The following KAT6B variants were observed in gnomAD, a reference collection of about 807,000 sequenced individuals.
The protein encoded by KAT6B is histone acetyltransferase KAT6B.
Under a neutral mutation model 187.5 loss-of-function variants are expected in KAT6B, and 10 were observed. That is an observed-to-expected ratio of 0.05 (90% CI 0.03 to 0.09). KAT6B has a LOEUF of 0.09. Among genes scored for constraint, KAT6B ranks in the 10% least tolerant of loss-of-function variants. KAT6B has a pLI of 1.00. For missense variants in KAT6B, 1,952 were observed against 2,558.9 expected (o/e 0.76, Z 5.12); for synonymous variants, 861 against 926.8 (o/e 0.93, Z 1.29).
chr10:74,950,873 C>G lies in KAT6B; in HGVS notation c.622-9097C>G, dbSNP rs141935162. On this transcript the variant is annotated intron_variant, in intron 3 of 17. Coordinates refer to ENST00000287239, the MANE Select transcript of KAT6B (RefSeq NM_012330.4). Reference sequence around the variant, plus strand: ...GTAGCTCATTCCTGTAATTCCAGCACCAGCCGAGGCAGGTGGATCACTTGA... The same window carrying G: ...GTAGCTCATTCCTGTAATTCCAGCAGCAGCCGAGGCAGGTGGATCACTTGA... 1.5e-3 allele frequency among the ~76,000 whole-genome samples: 223 copies of G among 152,138 alleles called. No individual in the cohort carries two copies. In the East Asian group the frequency reaches 0.016, roughly 11 times the overall value.
chr10:74,840,090 A>G (rs1018102331), intron 2 of KAT6B, among the ~76,000 whole-genome samples: 1 of 152,208 alleles, frequency 6.6e-6, no homozygotes, highest in Non-Finnish European at 1.5e-5. Context: ...ACTCAACTTG[A>G]CAGCACTTTT....
chr10:74,976,418 TG>T, intron 8 of KAT6B, 88 bp downstream of exon 8: 1 of 1,045,780 alleles, frequency 9.6e-7, no homozygotes, highest in Non-Finnish European at 1.5e-6. Context: ...AATTCCTATT[TG>T]TCACATAGGT....
At chr10:75,011,428 A>G (rs1844598848) in intron 13 of KAT6B, among the ~76,000 whole-genome samples, 1 of 152,200 alleles carries the variant, frequency 6.6e-6, no homozygotes, top group South Asian at 2.1e-4. Context: ...CTTTCTCATT[A>G]CCTAACTGAA....
At chr10:74,967,696 G>A (rs1164103639) in intron 4 of KAT6B, among the ~76,000 whole-genome samples, 6 of 152,202 alleles carry the variant, frequency 3.9e-5, no homozygotes, top group Admixed American at 3.3e-4. Context: ...TTGAGATACA[G>A]TATTGCTTAA....
chr10:74,862,927 A>G (rs553099877), intron 3 of KAT6B, among the ~76,000 whole-genome samples: 3 of 152,268 alleles, frequency 2.0e-5, no homozygotes, highest in Admixed American at 2.0e-4. Context: ...CTGTAAACCG[A>G]TGTCCTCATT....
At chr10:74,911,471 T>C (rs1347271350) in intron 3 of KAT6B, among the ~76,000 whole-genome samples, 1 of 152,126 alleles carries the variant, frequency 6.6e-6, no homozygotes, top group Non-Finnish European at 1.5e-5. Flanking sequence ...TTTCACCATG[T>C]TGGCCAGGCT....
At chr10:74,892,702 G>T (rs942419634) in intron 3 of KAT6B, among the ~76,000 whole-genome samples, 10 of 152,138 alleles carry the variant, frequency 6.6e-5, no homozygotes, top group African/African-American at 2.4e-4. Flanking sequence ...GAATAACTCA[G>T]AGATTACGGT....
intron 3 of KAT6B, among the ~76,000 whole-genome samples, chr10:74,861,327 A>G (rs1005463200): frequency 7.9e-5 from 12 of 152,186 alleles, no homozygotes; most frequent in African/African-American, 2.9e-4. Flanking sequence ...GAAACATGCT[A>G]ATACATACAG....
chr10:74,965,827 G>A (rs1240032776), intron 4 of KAT6B, among the ~76,000 whole-genome samples: 11 of 151,128 alleles, frequency 7.3e-5, no homozygotes, highest in Non-Finnish European at 1.5e-5. Flanking sequence ...CCGGGTTCAC[G>A]CCATTCTTCC....
chr10:74,839,940 A>G (rs1296993553), intron 2 of KAT6B, among the ~76,000 whole-genome samples: 1 of 152,258 alleles, frequency 6.6e-6, no homozygotes, highest in Non-Finnish European at 1.5e-5. Flanking sequence ...TTAGATTTGT[A>G]GATGACATAG....
At chr10:74,850,269 A>G (rs1333001756) in intron 3 of KAT6B, among the ~76,000 whole-genome samples, 1 of 152,168 alleles carries the variant, frequency 6.6e-6, no homozygotes, top group African/African-American at 2.4e-5. Flanking sequence ...TGCCCCAACA[A>G]ATAGATTTCC....
At chr10:74,985,454 G>A (rs562855674) in intron 12 of KAT6B, among the ~76,000 whole-genome samples, 11 of 152,302 alleles carry the variant, frequency 7.2e-5, no homozygotes, top group Non-Finnish European at 1.0e-4. Context: ...ACTGTGTGCC[G>A]CCTTGATGAC....
At chr10:74,998,809 G>T (rs1196917861) in intron 13 of KAT6B, among the ~76,000 whole-genome samples, 3 of 152,122 alleles carry the variant, frequency 2.0e-5, no homozygotes, top group Admixed American at 2.0e-4. Context: ...TGTAATTCCA[G>T]TTACTCAGGA....
Position 75,029,098 on chromosome 10 carries a change from A to G in KAT6B, c.4274A>G (p.Asp1425Gly). Reference protein sequence around the residue: ...DEEPSHNEDHDADDEDDSHME... With the variant: ...DEEPSHNEDHGADDEDDSHME... The stretch of plus-strand genomic sequence containing the variant: ...GAGCCATCCCACAACGAGGACCATG[A>G]TGCCGATGACGAGGATGACAGCCAC... Residue 1425 changes from aspartate (D) to glycine (G), a missense_variant, in exon 18 of 18, where the codon GAT becomes GGT. By Grantham distance (94) the Asp-to-Gly change is moderately conservative. Around this residue, in one of 9 missense-constraint regions of KAT6B, gnomAD observed 758 missense variants for 891.4 expected, o/e 0.85. Transcript: ENST00000287239. The surrounding 1 kb of genome is among the most constrained non-coding windows in gnomAD (Gnocchi z 6.2). The G allele has an allele frequency of 2.5e-6, 4 of 1,614,210 alleles. No homozygotes were observed. The South Asian group carries it at 3.3e-5, about 13-fold the overall frequency.
At chr10:75,017,304 A>G (rs1260251515) in intron 13 of KAT6B, among the ~76,000 whole-genome samples, 2 of 152,042 alleles carry the variant, frequency 1.3e-5, no homozygotes, top group East Asian at 3.9e-4. Context: ...TTTTCTTCCA[A>G]TGGGCTATAT....
chr10:74,914,756 T>G (rs1352252506), intron 3 of KAT6B, among the ~76,000 whole-genome samples: 1 of 152,176 alleles, frequency 6.6e-6, no homozygotes, highest in East Asian at 1.9e-4. Context: ...GAAGACTAGT[T>G]TATAGTGTTC....
intron 3 of KAT6B, among the ~76,000 whole-genome samples, chr10:74,877,060 G>C (rs966057180): frequency 6.6e-6 from 1 of 151,382 alleles, no homozygotes; most frequent in Non-Finnish European, 1.5e-5. Flanking sequence ...TCTACCTGCC[G>C]GTTCAAGCGA....
At chr10:74,897,231 T>C (rs1397052157) in intron 3 of KAT6B, among the ~76,000 whole-genome samples, 1 of 152,218 alleles carries the variant, frequency 6.6e-6, no homozygotes, top group African/African-American at 2.4e-5. Flanking sequence ...CTAACCTTCT[T>C]CTGGTTTCAC....
At chr10:74,858,846 T>C (rs746389109) in intron 3 of KAT6B, among the ~76,000 whole-genome samples, 1 of 151,788 alleles carries the variant, frequency 6.6e-6, no homozygotes, top group Admixed American at 6.6e-5. Context: ...TCCCAGCTAC[T>C]CAGGAGGCTG....
Sources: gnomAD v4.1 joint callset for allele counts (sites outside exome capture counted in the v4.1 genomes callset) on GRCh38, gnomAD v4.1.1 for gene constraint, gnomAD v4.1.1 regional missense constraint, Gnocchi (gnomAD v3.1) non-coding constraint, MANE v1.5 for transcripts, NCBI Gene and HGNC (gene_info 2026-07-23, HGNC 2026-07-21) for gene names.